NUAK1: variants seen among roughly 807,000 people sequenced by gnomAD.
NUAK1 encodes the protein NUAK family SNF1-like kinase 1.
A neutral mutation model predicts 56.9 loss-of-function variants in NUAK1; 26 were observed. That is an observed-to-expected ratio of 0.46 (90% CI 0.33 to 0.63). The LOEUF is 0.63. Among genes scored for constraint, NUAK1 ranks in the 30% least tolerant of loss-of-function variants. The pLI is 0.02. For missense variants in NUAK1, 727 were observed against 876.1 expected (o/e 0.83, Z 2.15); for synonymous variants, 337 against 336.0 (o/e 1.00, Z -0.03).
intron 6 of NUAK1, 117 bp downstream of exon 6, chr12:106,070,653 GAAGA>G (rs1460759669): frequency 6.1e-6 from 8 of 1,308,058 alleles, no homozygotes; most frequent in Non-Finnish European, 8.5e-6. Context: ...CTTCTGGGAA[GAAGA>G]AAGAGGAAAA....
intron 4 of NUAK1, among the ~76,000 whole-genome samples, chr12:106,078,749 A>G (rs960765364): frequency 6.6e-6 from 1 of 152,212 alleles, no homozygotes; most frequent in Non-Finnish European, 1.5e-5. Flanking sequence ...CAATGTGAGG[A>G]GGCTCTTAAA....
intron 2 of NUAK1, among the ~76,000 whole-genome samples, chr12:106,101,874 G>A (rs892834081): frequency 7.9e-5 from 12 of 152,138 alleles, no homozygotes; most frequent in Admixed American, 2.6e-4. Flanking sequence ...CACGTTCAGC[G>A]CTGGATCTTT....
intron 2 of NUAK1, among the ~76,000 whole-genome samples, chr12:106,101,562 T>A (rs1055469534): frequency 6.6e-6 from 1 of 152,140 alleles, no homozygotes; most frequent in African/African-American, 2.4e-5. Context: ...AAGTCGGTCA[T>A]CTATAAGCCA....
intron 1 of NUAK1, among the ~76,000 whole-genome samples, chr12:106,110,048 C>T (rs1322197350): frequency 6.6e-6 from 1 of 152,134 alleles, no homozygotes; most frequent in Non-Finnish European, 1.5e-5. Context: ...ACATTGCAAC[C>T]TCATCTGAAA....
At chr12:106,073,878 G>T (rs12424937) in intron 4 of NUAK1, among the ~76,000 whole-genome samples, 16,440 of 151,994 alleles carry the variant, frequency 0.11, 1,403 homozygotes, top group East Asian at 0.5. Context: ...CAAGTTTGAT[G>T]CAAATGTTTC....
intron 1 of NUAK1, among the ~76,000 whole-genome samples, chr12:106,123,979 G>C (rs1360195526): frequency 6.6e-6 from 1 of 152,166 alleles, no homozygotes; most frequent in African/African-American, 2.4e-5. Flanking sequence ...CATAAAATTA[G>C]AACTCATTGT....
At chr12:106,135,366 C>T (rs2033119418) in intron 1 of NUAK1, among the ~76,000 whole-genome samples, 1 of 152,220 alleles carries the variant, frequency 6.6e-6, no homozygotes, top group African/African-American at 2.4e-5. Context: ...CACACAGGGT[C>T]GCACCAGCTG....
chr12:106,134,742 G>A (rs535438678), intron 1 of NUAK1, among the ~76,000 whole-genome samples: 25 of 152,348 alleles, frequency 1.6e-4, no homozygotes, highest in African/African-American at 6.0e-4. Context: ...TTATGACACA[G>A]AGGCTCACCC....
At chr12:106,095,046 C>T (rs1005100038) in intron 2 of NUAK1, among the ~76,000 whole-genome samples, 3 of 152,148 alleles carry the variant, frequency 2.0e-5, no homozygotes, top group Non-Finnish European at 2.9e-5. Context: ...TCAGCCATCA[C>T]CACAGGCTCA....
intron 1 of NUAK1, among the ~76,000 whole-genome samples, chr12:106,125,287 T>C (rs1242356277): frequency 6.6e-6 from 1 of 152,194 alleles, no homozygotes; most frequent in African/African-American, 2.4e-5. Flanking sequence ...AGCATATAAA[T>C]GAGTAAGACA....
intron 2 of NUAK1, among the ~76,000 whole-genome samples, chr12:106,097,444 A>G (rs2032706319): frequency 6.6e-6 from 1 of 152,246 alleles, no homozygotes; most frequent in South Asian, 2.1e-4. Context: ...CTAAATAAGC[A>G]AATGAATGAA....
chr12:106,102,237 C>G (rs1374182116), intron 2 of NUAK1, among the ~76,000 whole-genome samples: 1 of 152,188 alleles, frequency 6.6e-6, no homozygotes, highest in African/African-American at 2.4e-5. Flanking sequence ...CGTTAACCTA[C>G]TTGAGGTCAG....
intron 4 of NUAK1, among the ~76,000 whole-genome samples, chr12:106,082,312 C>T (rs777350069): frequency 6.6e-6 from 1 of 152,232 alleles, no homozygotes; most frequent in African/African-American, 2.4e-5. Context: ...TACTAAGGGG[C>T]AGGGTTGAAA....
At chr12:106,085,612 T>C (rs890215177) in intron 3 of NUAK1, among the ~76,000 whole-genome samples, 1 of 152,236 alleles carries the variant, frequency 6.6e-6, no homozygotes, top group African/African-American at 2.4e-5. Flanking sequence ...AAGTGATGAA[T>C]AACAATAATG....
Position 106,138,822 on chromosome 12 carries a change from A to C in NUAK1, c.-169T>G. The C allele has an allele frequency of 2.2e-6, 2 of 922,958 alleles. No individual in the cohort carries two copies. 57.2% of individuals were successfully genotyped at this position (922,958 alleles called of 1,614,324 possible). A position where few individuals can be genotyped will look rare whatever the true frequency, so the allele number is the denominator to read the frequency against. On this transcript the variant is annotated 5_prime_UTR_variant, in exon 1 of 7. Coordinates refer to ENST00000261402, the MANE Select transcript of NUAK1 (RefSeq NM_014840.3). The surrounding 1 kb of genome is among the most constrained non-coding windows in gnomAD (Gnocchi z 5.0). Reference sequence around the variant, plus strand: ...GGCTCGGTCACTGGCGGCGGCGGGGACTGCACATCTGGCGCCCGCGGCGCG... The same window carrying C: ...GGCTCGGTCACTGGCGGCGGCGGGGCCTGCACATCTGGCGCCCGCGGCGCG...
chr12:106,109,654 T>C (rs963476829), intron 1 of NUAK1, among the ~76,000 whole-genome samples: 1 of 152,116 alleles, frequency 6.6e-6, no homozygotes, highest in Non-Finnish European at 1.5e-5. Flanking sequence ...ACAGACAGTA[T>C]TGCATAATGC....
chr12:106,127,767 T>C (rs2033037323), intron 1 of NUAK1, among the ~76,000 whole-genome samples: 1 of 152,156 alleles, frequency 6.6e-6, no homozygotes, highest in Admixed American at 6.5e-5. Flanking sequence ...ATTCTCTTCC[T>C]ACGAGCTGGA....
At chr12:106,078,942 A>G (rs897720441) in intron 4 of NUAK1, among the ~76,000 whole-genome samples, 28 of 152,202 alleles carry the variant, frequency 1.8e-4, no homozygotes, top group African/African-American at 6.5e-4. Context: ...CTGCCTGCAG[A>G]CAAGGTAAGG....
rs534554844 is a variant in NUAK1, at chr12:106,063,490, C to G, written c.*3312G>C. The G allele has an allele frequency of 6.6e-6, 1 of 152,530 alleles. No homozygotes were observed. Among genetic ancestry groups the G allele is most frequent in the Non-Finnish European group, 1.5e-5 (1 of 68,026 alleles). The allele number at this position is 152,530 out of a possible 1,614,324, so 9.4% of individuals were successfully genotyped here. ...CCCTGTAGGCTGTTCTGGGCTCAAA[C>G]CAATCAAATGAGTGAAAACCAATTT... On this transcript the variant is annotated 3_prime_UTR_variant, in exon 7 of 7. Transcript: ENST00000261402.
Sources: gnomAD v4.1 joint callset for allele counts (sites outside exome capture counted in the v4.1 genomes callset) on GRCh38, gnomAD v4.1.1 for gene constraint, Gnocchi (gnomAD v3.1) non-coding constraint, MANE v1.5 for transcripts, NCBI Gene and HGNC (gene_info 2026-07-23, HGNC 2026-07-21) for gene names.